The following LTBP1 variants were observed in gnomAD, a reference collection of about 807,000 sequenced individuals.
LTBP1 encodes latent-transforming growth factor beta-binding protein 1.
Under a neutral mutation model 207.6 loss-of-function variants are expected in LTBP1, and 129 were observed. The observed-to-expected ratio is 0.62, with a 90% CI of 0.54 to 0.72. The LOEUF (loss-of-function observed/expected upper bound fraction) is 0.72. Ranked by LOEUF, LTBP1 falls within the 30% of genes least tolerant of loss-of-function variation. The probability of loss-of-function intolerance (pLI) is 0.00; values close to 1 mark genes in which losing one functional copy is unlikely to be tolerated. For synonymous variants in LTBP1, 963 were observed against 833.7 expected (o/e 1.16, Z -2.67); for missense variants, 2,281 against 2,217.2 (o/e 1.03, Z -0.58).
chr2:33,046,450 C>T (rs1423105118), intron 3 of LTBP1, among the ~76,000 whole-genome samples: 1 of 152,174 alleles, frequency 6.6e-6, no homozygotes, highest in Non-Finnish European at 1.5e-5. Flanking sequence ...AGCCTTGCCT[C>T]CCGGGGATGA....
intron 7 of LTBP1, among the ~76,000 whole-genome samples, chr2:33,198,497 G>C (rs1339649694): frequency 2.6e-5 from 4 of 152,090 alleles, no homozygotes; most frequent in African/African-American, 4.8e-5. Flanking sequence ...TTGTACCTCT[G>C]GTAGAATTCG....
intron 5 of LTBP1, among the ~76,000 whole-genome samples, chr2:33,142,335 G>T (rs534460123): frequency 1.3e-5 from 2 of 152,250 alleles, no homozygotes; most frequent in South Asian, 2.1e-4. Context: ...GATTACAGGC[G>T]TGAGCCACCT....
Position 33,280,125 on chromosome 2 carries a change from G to T in LTBP1, c.3079G>T (p.Glu1027Ter). The T allele has an allele frequency of 6.2e-7, 1 of 1,614,150 alleles. No individual in the cohort carries two copies. The highest frequency in any genetic ancestry group is 1.1e-5 in the South Asian group (1 of 91,082). ...ATCTTACCAGTGCGTTCCCTGCACA[G>T]AAGGATTCCGAGGCTGGAATGGACA... ...PGSYQCVPCTEGFRGWNGQCL... is the reference protein window; with the variant it reads ...PGSYQCVPCT The change falls in exon 19 of 34, where the codon GAA (glutamate) becomes TAA (stop). Residue 1027 changes from glutamate (E) to a stop codon, truncating the protein, a stop_gained. Coordinates refer to ENST00000404816, the MANE Select transcript of LTBP1 (RefSeq NM_206943.4). LOFTEE classifies it high-confidence loss of function.
At chr2:33,196,976 G>T (rs543180052) in intron 7 of LTBP1, among the ~76,000 whole-genome samples, 4 of 152,272 alleles carry the variant, frequency 2.6e-5, no homozygotes, top group South Asian at 4.1e-4. Flanking sequence ...GGAGTTAAAG[G>T]TTTCTGTAAT....
chr2:33,094,822 G>A (rs1167944483), intron 3 of LTBP1, among the ~76,000 whole-genome samples: 1 of 152,090 alleles, frequency 6.6e-6, no homozygotes, highest in African/African-American at 2.4e-5. Context: ...GAGCTAATGT[G>A]CAAGGTAATG....
intron 3 of LTBP1, among the ~76,000 whole-genome samples, chr2:33,041,894 T>C (rs1446249919): frequency 6.6e-6 from 1 of 152,214 alleles, no homozygotes; most frequent in African/African-American, 2.4e-5. Context: ...GTGATAATGG[T>C]ATGTGTATCC....
chr2:33,391,378 A>G (rs1377876339), intron 32 of LTBP1, among the ~76,000 whole-genome samples: 1 of 152,056 alleles, frequency 6.6e-6, no homozygotes, highest in Admixed American at 6.6e-5. Flanking sequence ...TCACAGCTAC[A>G]AGACTGTGCA....
chr2:33,329,483 A>G (rs2094469497), intron 24 of LTBP1, among the ~76,000 whole-genome samples: 2 of 152,158 alleles, frequency 1.3e-5, no homozygotes, highest in Admixed American at 1.3e-4. Context: ...TAAAGTCATT[A>G]AGGTACTGTT....
chr2:33,163,135 C>T (rs574311053), intron 5 of LTBP1, among the ~76,000 whole-genome samples: 3 of 152,168 alleles, frequency 2.0e-5, no homozygotes, highest in Non-Finnish European at 2.9e-5. Flanking sequence ...GTGCATGCCA[C>T]CACGCCTGGC....
chr2:33,139,231 G>A (rs1367113933), intron 5 of LTBP1, among the ~76,000 whole-genome samples: 6 of 152,176 alleles, frequency 3.9e-5, no homozygotes, highest in Admixed American at 2.6e-4. Flanking sequence ...TCCATAATTG[G>A]CAAATATGAG....
intron 9 of LTBP1, among the ~76,000 whole-genome samples, chr2:33,229,051 A>G (rs1211218817): frequency 6.6e-6 from 1 of 152,106 alleles, no homozygotes; most frequent in Non-Finnish European, 1.5e-5. Flanking sequence ...CCAATTATAT[A>G]TTTGTTTATA....
At chr2:32,996,228 G>C (rs942140859) in intron 2 of LTBP1, among the ~76,000 whole-genome samples, 7 of 152,164 alleles carry the variant, frequency 4.6e-5, no homozygotes, top group African/African-American at 1.7e-4. Context: ...CAGGGTGCCA[G>C]CTGCTTCAGT....
chr2:33,375,484 G>A (rs571944861), intron 31 of LTBP1, among the ~76,000 whole-genome samples: 11 of 152,256 alleles, frequency 7.2e-5, no homozygotes, highest in African/African-American at 2.6e-4. Flanking sequence ...AAGTCAAAGA[G>A]AGGCTTTATG....
In LTBP1 at chr2:33,141,721, C is replaced by T. The variant is rs998284817; in HGVS notation, c.1201+6761C>T. 5.3e-5 allele frequency among the ~76,000 whole-genome samples: 8 copies of T among 152,106 alleles called. No homozygotes were observed. In the South Asian group the frequency reaches 8.3e-4, roughly 16 times the overall value. On this transcript the variant is annotated intron_variant, in intron 5 of 33. Transcript: ENST00000404816. ...GGTGATGAGTGTTGTGAGGAAACAT[C>T]GCTTACATTGTCATCAGACTCTGAC...
intron 3 of LTBP1, among the ~76,000 whole-genome samples, chr2:33,030,917 T>C (rs1454312): frequency 0.039 from 5,955 of 152,278 alleles, 198 homozygotes; most frequent in Non-Finnish European, 0.066. Flanking sequence ...CACATTTTTA[T>C]AAGTCCTTCA....
At chr2:33,074,421 C>T (rs1450353797) in intron 3 of LTBP1, among the ~76,000 whole-genome samples, 1 of 152,148 alleles carries the variant, frequency 6.6e-6, no homozygotes, top group African/African-American at 2.4e-5. Flanking sequence ...ACTGAAAGAG[C>T]TGGTGATACC....
chr2:32,972,234 C>A (rs1013681362), intron 2 of LTBP1, among the ~76,000 whole-genome samples: 2 of 141,188 alleles, frequency 1.4e-5, no homozygotes, highest in African/African-American at 2.6e-5. Context: ...CTAATTTATT[C>A]TTTCATAGAA....
chr2:33,328,688 G>T (rs1375634866), intron 24 of LTBP1, among the ~76,000 whole-genome samples: 1 of 152,142 alleles, frequency 6.6e-6, no homozygotes, highest in African/African-American at 2.4e-5. Flanking sequence ...CTTGACACAT[G>T]GGGATTATGG....
At chr2:33,365,959 A>G in intron 31 of LTBP1, among the ~76,000 whole-genome samples, 1 of 152,236 alleles carries the variant, frequency 6.6e-6, no homozygotes, top group East Asian at 1.9e-4. Context: ...AACGGGTTAC[A>G]ACAAAAAGGG....
Sources: gnomAD v4.1 joint callset for allele counts (sites outside exome capture counted in the v4.1 genomes callset) on GRCh38, gnomAD v4.1.1 for gene constraint, MANE v1.5 for transcripts, NCBI Gene and HGNC (gene_info 2026-07-23, HGNC 2026-07-21) for gene names.